Variants in DNAH9 observed in about 807,000 individuals in gnomAD.
The protein encoded by DNAH9 is DNAH9 variant protein.
In DNAH9, 345 loss-of-function variants were observed where a neutral mutation model predicts 471.6. The ratio of observed to expected loss-of-function variants is 0.73; its 90% confidence interval spans 0.67 to 0.80. DNAH9 has a LOEUF of 0.80. Among genes scored for constraint, DNAH9 ranks in the 30% least tolerant of loss-of-function variants. The pLI, the probability that DNAH9 is intolerant of heterozygous loss-of-function variation, is 0.00. For missense variants in DNAH9, 5,407 were observed against 5,609.2 expected, an observed-to-expected ratio of 0.96 and a Z score of 1.15; for synonymous variants, 2,093 against 2,123.6, an observed-to-expected ratio of 0.99 and a Z score of 0.40.
At chr17:11,808,062 A>G (rs1055143511) in intron 44 of DNAH9, among the ~76,000 whole-genome samples, 168 bp downstream of exon 44, 6 of 152,000 alleles carry the variant, frequency 3.9e-5, no homozygotes, top group East Asian at 1.9e-4. Context: ...TTCTCATTAG[A>G]CTCAGCCTGA....
In DNAH9 at chr17:11,690,413, G is replaced by C. The variant is rs768467944; in HGVS notation, c.4591G>C (p.Asp1531His). 6.2e-7 allele frequency: 1 copy of C among 1,613,846 alleles called. No homozygotes were observed. Among genetic ancestry groups the C allele is most frequent in the Non-Finnish European group, 8.5e-7 (1 of 1,179,730 alleles). The stretch of plus-strand genomic sequence containing the variant: ...GGAAAGCATATTCACTGGATCTGAA[G>C]ATATTCGGGCACAGCTACCCCAGGT... ...HLESIFTGSE[D>H]IRAQLPQDSK... Residue 1531 changes from aspartate to histidine, a missense_variant, in exon 20 of 69, where the codon GAT becomes CAT. Around this residue, in one of 3 missense-constraint regions of DNAH9, gnomAD observed 4,636 missense variants for 4,900.3 expected, o/e 0.95. Transcript: ENST00000262442.
At chr17:11,821,564 T>A (rs1413779677) in intron 45 of DNAH9, among the ~76,000 whole-genome samples, 2 of 152,146 alleles carry the variant, frequency 1.3e-5, no homozygotes, top group African/African-American at 4.8e-5. Flanking sequence ...ATTAGCCATG[T>A]TTCCTGCTAA....
chr17:11,742,484 C>A (rs2075447076), intron 30 of DNAH9, among the ~76,000 whole-genome samples, 171 bp downstream of exon 30: 1 of 152,162 alleles, frequency 6.6e-6, no homozygotes, highest in Admixed American at 6.5e-5. Flanking sequence ...GATTTATGTT[C>A]ACTTTTTTAG....
At chr17:11,921,316 G>A (rs1343876699) in intron 61 of DNAH9, among the ~76,000 whole-genome samples, 1 of 151,734 alleles carries the variant, frequency 6.6e-6, no homozygotes, top group Non-Finnish European at 1.5e-5. Flanking sequence ...TAGAAAAAAT[G>A]TTCCCCTTCC....
At chr17:11,864,575 C>T (rs1971974666) in intron 50 of DNAH9, among the ~76,000 whole-genome samples, 1 of 151,872 alleles carries the variant, frequency 6.6e-6, no homozygotes, top group African/African-American at 2.4e-5. Context: ...CCTGGGTATC[C>T]TTGTTGACTT....
intron 15 of DNAH9, among the ~76,000 whole-genome samples, chr17:11,667,691 T>C (rs2073896096): frequency 6.6e-6 from 1 of 152,204 alleles, no homozygotes; most frequent in South Asian, 2.1e-4. Context: ...CAGGGCCTTG[T>C]CCTCATTTCT....
At chr17:11,689,489 C>A (rs2150752149) in intron 19 of DNAH9, 77 bp from the exon 20 acceptor site, 1 of 1,225,648 alleles carries the variant, frequency 8.2e-7, no homozygotes. Context: ...AATATTTCAG[C>A]TGGTTGCTAC....
At chr17:11,908,219 A>G (rs1398195157) in intron 61 of DNAH9, among the ~76,000 whole-genome samples, 1 of 152,214 alleles carries the variant, frequency 6.6e-6, no homozygotes, top group African/African-American at 2.4e-5. Flanking sequence ...GTTGAAAAAA[A>G]TCCATGTGTA....
intron 55 of DNAH9, chr17:11,882,790 G>A (rs1445297633): frequency 6.7e-6 from 2 of 298,576 alleles, no homozygotes; most frequent in African/African-American, 2.3e-5. Context: ...AAAAGATTCG[G>A]TGAGGAGTTG....
chr17:11,715,902 CAG>C (rs1567744260), intron 26 of DNAH9, among the ~76,000 whole-genome samples: 2 of 151,968 alleles, frequency 1.3e-5, no homozygotes, highest in East Asian at 3.9e-4. Context: ...CACTCGCAAG[CAG>C]GAGCACATCA....
intron 49 of DNAH9, among the ~76,000 whole-genome samples, chr17:11,848,354 A>T (rs1046053017): frequency 1.3e-5 from 2 of 152,300 alleles, no homozygotes; most frequent in African/African-American, 4.8e-5. Context: ...TTTGCATAAT[A>T]TGCATACATT....
chr17:11,710,812 T>C (rs979072782), intron 26 of DNAH9, among the ~76,000 whole-genome samples: 16 of 152,246 alleles, frequency 1.1e-4, no homozygotes, highest in African/African-American at 3.9e-4. Context: ...TTTTGATTAC[T>C]GAGTAAAGTG....
chr17:11,791,703 ACT>A (rs1414840464), intron 41 of DNAH9, among the ~76,000 whole-genome samples: 25 of 152,064 alleles, frequency 1.6e-4, no homozygotes, highest in Admixed American at 1.6e-3. Context: ...AAAAAGTGAG[ACT>A]CTGTCACAAA....
At chr17:11,878,545 TTTTGTTTGTTTG>T (rs113781997) in intron 53 of DNAH9, among the ~76,000 whole-genome samples, 1 of 151,942 alleles carries the variant, frequency 6.6e-6, no homozygotes, top group South Asian at 2.1e-4. Flanking sequence ...TTTTTAGTTT[TTTTGTTTGTTTG>T]TTTGTTTGTT....
intron 62 of DNAH9, among the ~76,000 whole-genome samples, chr17:11,927,148 C>T (rs931725566): frequency 1.3e-5 from 2 of 152,060 alleles, no homozygotes; most frequent in Non-Finnish European, 2.9e-5. Context: ...TCCTTGTAGA[C>T]TCAGGATATT....
At chr17:11,748,264 T>C (rs994696354) in intron 32 of DNAH9, among the ~76,000 whole-genome samples, 2 of 150,912 alleles carry the variant, frequency 1.3e-5, no homozygotes, top group Admixed American at 1.3e-4. Flanking sequence ...GTGGTGGAGG[T>C]TGCAGTGAGC....
intron 41 of DNAH9, among the ~76,000 whole-genome samples, chr17:11,785,439 C>T (rs1462096643): frequency 6.6e-6 from 1 of 152,142 alleles, no homozygotes; most frequent in East Asian, 1.9e-4. Context: ...AGCAATTATG[C>T]AGGCAGGACT....
chr17:11,745,483 A>G (rs1464177956), intron 31 of DNAH9, among the ~76,000 whole-genome samples: 1 of 152,054 alleles, frequency 6.6e-6, no homozygotes, highest in Non-Finnish European at 1.5e-5. Flanking sequence ...AGAGGAGAAT[A>G]CCCCTCCCAG....
At chr17:11,869,553 A>G (rs1477813222) in intron 51 of DNAH9, among the ~76,000 whole-genome samples, 1 of 152,340 alleles carries the variant, frequency 6.6e-6, no homozygotes, top group East Asian at 1.9e-4. Context: ...AAACATTACA[A>G]GACAAAGCCA....
Sources: gnomAD v4.1 joint callset for allele counts (sites outside exome capture counted in the v4.1 genomes callset) on GRCh38, gnomAD v4.1.1 for gene constraint, gnomAD v4.1.1 regional missense constraint, MANE v1.5 for transcripts, NCBI Gene and HGNC (gene_info 2026-07-23, HGNC 2026-07-21) for gene names.